Variants in MFSD1 observed in about 807,000 individuals in gnomAD.
The protein encoded by MFSD1 is major facilitator superfamily domain containing 1.
Under a neutral mutation model 67.1 loss-of-function variants are expected in MFSD1, and 59 were observed. The ratio of observed to expected loss-of-function variants is 0.88; its 90% CI spans 0.71 to 1.09. The LOEUF is 1.09. MFSD1 is among the 50% of genes least tolerant of loss of function. The pLI is 0.00. For missense variants in MFSD1, 552 were observed against 566.1 expected (o/e 0.97, Z 0.25); for synonymous variants, 213 against 200.3 (o/e 1.06, Z -0.54).
At position 158,820,658 on chromosome 3, in the gene MFSD1, C is replaced by A. The variant is rs543157920; in HGVS notation, c.863+332C>A. Among the ~76,000 whole-genome samples the A allele has an allele frequency of 2.6e-5, 4 of 152,266 alleles. No homozygotes were observed. The South Asian group carries it at 8.3e-4, about 32-fold the overall frequency. ...TGGGAAGGCCTCAGGAAACTTATAACCATGGCAGAAAGGGAAGCAAACATT... is the reference window on the plus strand; with the variant it reads ...TGGGAAGGCCTCAGGAAACTTATAAACATGGCAGAAAGGGAAGCAAACATT... On this transcript the variant is annotated intron_variant, in intron 9 of 15. Transcript: ENST00000415822.
In MFSD1 at chr3:158,822,058, T is replaced by G. The variant is rs778736777; in HGVS notation, c.995T>G (p.Ile332Ser). The G allele has an allele frequency of 3.1e-6, 5 of 1,613,992 alleles. No individual in the cohort carries two copies. The highest frequency in any genetic ancestry group is 4.2e-6 in the Non-Finnish European group (5 of 1,179,902). The stretch of plus-strand genomic sequence containing the variant: ...GTGGATAAAACAGGGAAGAACATCA[T>G]CTGGGTTCTTTGCGCAGTAGCAGCC... The part of the protein sequence containing the change: ...LLVDKTGKNI[I>S]WVLCAVAATL... Residue 332 changes from isoleucine (I) to serine (S), a missense_variant, in exon 11 of 16, where the codon ATC (isoleucine) becomes AGC (serine). Physicochemically the swap from Ile to Ser is moderately radical, Grantham distance 142. Transcript: ENST00000415822.
chr3:158,821,067 A>C (rs1435744633), intron 9 of MFSD1, among the ~76,000 whole-genome samples: 1 of 152,202 alleles, frequency 6.6e-6, no homozygotes, highest in Non-Finnish European at 1.5e-5. Context: ...ATCTCCATTG[A>C]TTAGGACTGT....
intron 14 of MFSD1, 95 bp from the exon 15 acceptor site, chr3:158,827,185 T>A: frequency 1.4e-6 from 1 of 702,264 alleles, no homozygotes. Flanking sequence ...AAATACAGTG[T>A]ATCTATGCAA....
chr3:158,807,966 G>A (rs1348917920), intron 5 of MFSD1, among the ~76,000 whole-genome samples: 2 of 152,208 alleles, frequency 1.3e-5, no homozygotes, highest in Non-Finnish European at 2.9e-5. Context: ...AGCCTATTCT[G>A]AGACCAGCCT....
chr3:158,816,901 A>G (rs1427581719), intron 7 of MFSD1, among the ~76,000 whole-genome samples: 1 of 150,590 alleles, frequency 6.6e-6, no homozygotes, highest in Non-Finnish European at 1.5e-5. Context: ...CATTTATTAA[A>G]TAGGGAATCC....
At chr3:158,809,325 G>T in intron 6 of MFSD1, 38 bp downstream of exon 6, 1 of 1,298,630 alleles carries the variant, frequency 7.7e-7, no homozygotes. Flanking sequence ...CCAAATGGAA[G>T]CAAAAGATTA....
chr3:158,806,056 T>C (rs1329359774), intron 3 of MFSD1, among the ~76,000 whole-genome samples: 1 of 152,186 alleles, frequency 6.6e-6, no homozygotes, highest in African/African-American at 2.4e-5. Context: ...ATTGTGTGTA[T>C]GTTGTTAGTG....
In MFSD1 at chr3:158,819,766, A is replaced by G. The variant is rs780337142; in HGVS notation, c.751+19A>G. On this transcript the variant is annotated intron_variant, in intron 8 of 15. Transcript: ENST00000415822. Reference sequence around the variant, plus strand: ...AAAACAGGTAAGTCTAAATGAAAGAATGGGACTTAGGGGAATTACGGCCTT... The same window carrying G: ...AAAACAGGTAAGTCTAAATGAAAGAGTGGGACTTAGGGGAATTACGGCCTT... 2 of 1,421,730 alleles carry G rather than the reference A, an allele frequency of 1.4e-6. No homozygotes were observed. The highest frequency in any genetic ancestry group is 2.0e-6 in the Non-Finnish European group (2 of 1,012,370). The allele number at this position is 1,421,730 out of a possible 1,614,324, so 88.1% of individuals were successfully genotyped here.
At chr3:158,826,117 G>A (rs1303233808) in intron 14 of MFSD1, 55 bp downstream of exon 14, 4 of 1,469,364 alleles carry the variant, frequency 2.7e-6, no homozygotes, top group Non-Finnish European at 3.8e-6. Flanking sequence ...ATCTTGTGGG[G>A]TCTCTGGGTC....
At position 158,819,633 on chromosome 3, in the gene MFSD1, T is replaced by G. The variant is rs746239757; in HGVS notation, c.653-16T>G. 3 of 1,326,440 alleles carry G rather than the reference T, an allele frequency of 2.3e-6. No homozygotes were observed. The highest frequency in any genetic ancestry group is 2.7e-5 in the South Asian group (2 of 73,594). 82.2% of individuals were successfully genotyped at this position (1,326,440 alleles called of 1,614,324 possible). ...TTTTCAAAGTCTGTTTTTCTTTTTTTTTTTTTTTTATTTAGGGGGTATAAC... is the reference window on the plus strand; with the variant it reads ...TTTTCAAAGTCTGTTTTTCTTTTTTGTTTTTTTTTATTTAGGGGGTATAAC... On this transcript the variant is annotated splice_polypyrimidine_tract_variant and intron_variant, in intron 7 of 15. Transcript: ENST00000415822.
chr3:158,807,189 G>A lies in MFSD1; in HGVS notation c.372+107G>A. ...TTTAATTAATGCCTAGCTTAATTAA[G>A]CAGAACCCATAAATGCCCATGTGAT... On this transcript the variant is annotated intron_variant, in intron 4 of 15. Coordinates refer to ENST00000415822, the MANE Select transcript of MFSD1 (RefSeq NM_022736.4). 1.4e-5 allele frequency: 16 copies of A among 1,109,614 alleles called. No homozygotes were observed. The South Asian group carries it at 2.0e-4, about 14-fold the overall frequency. 68.7% of individuals were successfully genotyped at this position (1,109,614 alleles called of 1,614,324 possible). A position where few individuals can be genotyped will look rare whatever the true frequency, so the allele number is the denominator to read the frequency against.
intron 10 of MFSD1, 94 bp downstream of exon 10, chr3:158,821,747 C>T (rs1730690151): frequency 8.5e-7 from 1 of 1,170,294 alleles, no homozygotes; most frequent in Non-Finnish European, 1.2e-6. Flanking sequence ...TGTATGTGAC[C>T]TAATATTTTT....
At chr3:158,818,360 C>T (rs1480962608) in intron 7 of MFSD1, among the ~76,000 whole-genome samples, 1 of 151,788 alleles carries the variant, frequency 6.6e-6, no homozygotes, top group East Asian at 1.9e-4. Context: ...GTAGTGACAA[C>T]ACTCAAAACC....
chr3:158,808,674 T>C (rs1012432575), intron 5 of MFSD1, among the ~76,000 whole-genome samples: 27 of 152,298 alleles, frequency 1.8e-4, no homozygotes, highest in Non-Finnish European at 1.5e-5. Flanking sequence ...ACCATTTCAT[T>C]ATGCTCATGG....
intron 7 of MFSD1, among the ~76,000 whole-genome samples, chr3:158,817,113 C>G (rs1370308438): frequency 6.6e-6 from 1 of 152,124 alleles, no homozygotes; most frequent in East Asian, 1.9e-4. Context: ...ATAATAAGAG[C>G]TATCTATAGC....
At chr3:158,808,657 T>C (rs1172637094) in intron 5 of MFSD1, among the ~76,000 whole-genome samples, 1 of 152,188 alleles carries the variant, frequency 6.6e-6, no homozygotes, top group African/African-American at 2.4e-5. Flanking sequence ...CTTAGCGGTA[T>C]AAAACTACCA....
chr3:158,820,281 G>T lies in MFSD1; in HGVS notation c.818G>T (p.Cys273Phe). 1.9e-6 allele frequency: 3 copies of T among 1,611,900 alleles called. No individual in the cohort carries two copies. Reference protein sequence around the residue: ...SLPLWLIFIICVCYYVAVFPF... With the variant: ...SLPLWLIFIIFVCYYVAVFPF... The stretch of plus-strand genomic sequence containing the variant: ...CCCCTGTGGCTTATATTTATCATCT[G>T]TGTCTGCTATTATGTTGCTGTGTTC... The change falls in exon 9 of 16, where the codon TGT (cysteine) becomes TTT (phenylalanine). Residue 273 changes from cysteine to phenylalanine, a missense_variant. Coordinates refer to ENST00000415822, the MANE Select transcript of MFSD1 (RefSeq NM_022736.4).
intron 13 of MFSD1, chr3:158,824,481 T>C: frequency 2.4e-6 from 1 of 425,006 alleles, no homozygotes; most frequent in South Asian, 3.0e-5. Flanking sequence ...AAAAAAGCAT[T>C]TTCCCACTTA....
At chr3:158,825,967 T>C (rs761485333) in intron 13 of MFSD1, 48 bp from the exon 14 acceptor site, 2 of 1,442,948 alleles carry the variant, frequency 1.4e-6, no homozygotes, top group Admixed American at 1.7e-5. Flanking sequence ...ATAGGAATCA[T>C]TGAGAAGAAA....
Sources: gnomAD v4.1 joint callset for allele counts (sites outside exome capture counted in the v4.1 genomes callset) on GRCh38, gnomAD v4.1.1 for gene constraint, MANE v1.5 for transcripts, NCBI Gene and HGNC (gene_info 2026-07-23, HGNC 2026-07-21) for gene names.